Variants in DNAJC16 observed in about 807,000 individuals in gnomAD.
The protein encoded by DNAJC16 is DnaJ heat shock protein family (Hsp40) member C16, also known as dnaJ homolog subfamily C member 16.
Under a neutral mutation model 92.7 loss-of-function variants are expected in DNAJC16, and 76 were observed. That is an observed-to-expected ratio of 0.82 (90% CI 0.68 to 0.99). The LOEUF is 0.99. Ranked by LOEUF, DNAJC16 falls within the 50% of genes least tolerant of loss-of-function variation. The pLI, the probability that DNAJC16 is intolerant of heterozygous loss-of-function variation, is 0.00. For missense variants in DNAJC16, 869 were observed against 942.4 expected, an observed-to-expected ratio of 0.92 and a Z score of 1.02; for synonymous variants, 328 against 358.7, an observed-to-expected ratio of 0.91 and a Z score of 0.97.
rs1410178734 is a variant in DNAJC16, at chr1:15,567,267, TG to T, written c.1949+1del. 2.5e-6 allele frequency: 4 copies of T among 1,612,018 alleles called. No homozygotes were observed. Among genetic ancestry groups the T allele is most frequent in the Non-Finnish European group, 3.4e-6 (4 of 1,178,468 alleles). On this transcript the variant is annotated frameshift_variant and splice_region_variant, in exon 14 of 15. Transcript: ENST00000375847. LOFTEE classifies it high-confidence loss of function. ...KFALEVYTFTGSSCLHFSFLS... is the reference protein window; with the variant it reads ...KFALEVYTFTXSSCLHFSFLS... ...TTGCTTTGGAGGTCTACACATTTAC[TG>T]GGTAAGCATGTGTGTGTGTGCATGT...
chr1:15,538,707 C>T (rs373242715), intron 4 of DNAJC16, among the ~76,000 whole-genome samples: 1 of 152,118 alleles, frequency 6.6e-6, no homozygotes, highest in Non-Finnish European at 1.5e-5. Flanking sequence ...GTGAGCGAAA[C>T]TCTGTCTCAG....
chr1:15,549,647 T>C (rs898888951), intron 7 of DNAJC16, among the ~76,000 whole-genome samples: 2 of 151,528 alleles, frequency 1.3e-5, no homozygotes, highest in African/African-American at 4.9e-5. Context: ...ACCCCGTCTC[T>C]ACTAAAAATA....
At chr1:15,528,994 T>C (rs1710588451) in intron 1 of DNAJC16, 94 bp from the exon 2 acceptor site, 1 of 1,094,998 alleles carries the variant, frequency 9.1e-7, no homozygotes, top group Non-Finnish European at 1.3e-6. Context: ...TTTGTTGGTT[T>C]TGTTTTTCAT....
Position 15,571,238 on chromosome 1 carries a change from T to C in DNAJC16, c.*3061T>C, listed in dbSNP as rs1057340203. 11 of 152,212 alleles carry C rather than the reference T, an allele frequency of 7.2e-5. No homozygotes were observed. Among genetic ancestry groups the C allele is most frequent in the African/African-American group, 2.7e-4 (11 of 41,462 alleles). The allele number at this position is 152,212 out of a possible 1,614,324, so 9.4% of individuals were successfully genotyped here. On this transcript the variant is annotated 3_prime_UTR_variant, in exon 15 of 15. Coordinates refer to ENST00000375847, the MANE Select transcript of DNAJC16 (RefSeq NM_015291.4). ...CTTGTTGATACTTGTTCCTTTTTAT[T>C]TATTAACATCCCAATCAATTTGCAG...
At position 15,536,506 on chromosome 1, in the gene DNAJC16, A is replaced by C; in HGVS notation, c.266A>C (p.Tyr89Ser). 6.2e-7 allele frequency: 1 copy of C among 1,601,036 alleles called. No homozygotes were observed. Residue 89 changes from tyrosine to serine, a missense_variant, in exon 4 of 15, where the codon TAT becomes TCT. Tyr to Ser is a moderately radical substitution (Grantham distance 144). Transcript: ENST00000375847. ...ILSNEEKRSN[Y>S]DQYGDAGENQ... ...TCAAATGAAGAAAAGAGATCAAATT[A>C]TGATCAATATGGAGACGCTGGAGAG...
chr1:15,559,830 G>A (rs1462713433), intron 8 of DNAJC16, among the ~76,000 whole-genome samples, 174 bp downstream of exon 8: 1 of 152,096 alleles, frequency 6.6e-6, no homozygotes, highest in Non-Finnish European at 1.5e-5. Context: ...TTGGGAGGCC[G>A]AGGAGGGCGG....
Position 15,567,988 on chromosome 1 carries a change from G to C in DNAJC16, c.2160G>C (p.Glu720Asp). Residue 720 changes from glutamate (E) to aspartate (D), a missense_variant, in exon 15 of 15, where the codon GAG becomes GAC. Glu to Asp is a conservative substitution (Grantham distance 45, BLOSUM62 2). Coordinates refer to ENST00000375847, the MANE Select transcript of DNAJC16 (RefSeq NM_015291.4). Reference sequence around the variant, plus strand: ...AGCCCCAAAAGACAGTCGAAGAGGAGGAAGCCATAGGGTCGTGCAGTGATG... The same window carrying C: ...AGCCCCAAAAGACAGTCGAAGAGGACGAAGCCATAGGGTCGTGCAGTGATG... ...LFKPQKTVEEEEAIGSCSDVD... is the reference protein window; with the variant it reads ...LFKPQKTVEEDEAIGSCSDVD... 6.2e-7 allele frequency: 1 copy of C among 1,614,242 alleles called. No individual in the cohort carries two copies. Among genetic ancestry groups the C allele is most frequent in the Non-Finnish European group, 8.5e-7 (1 of 1,180,050 alleles).
intron 13 of DNAJC16, 84 bp from the exon 14 acceptor site, chr1:15,567,015 C>G: frequency 7.6e-7 from 1 of 1,312,278 alleles, no homozygotes; most frequent in Non-Finnish European, 1.1e-6. Flanking sequence ...TAGAACATAG[C>G]ATTTTCTTTC....
In DNAJC16 at chr1:15,567,915, G is replaced by A; in HGVS notation, c.2087G>A (p.Gly696Asp). The change falls in exon 15 of 15, where the codon GGT (glycine) becomes GAT (aspartate). Residue 696 changes from glycine to aspartate, a missense_variant. Coordinates refer to ENST00000375847, the MANE Select transcript of DNAJC16 (RefSeq NM_015291.4). ...DKHFMERDYT[G>D]YVLALNGHKK... ...CATTTCATGGAGCGTGACTACACTGGTTATGTACTGGCTCTGAATGGCCAC... is the reference window on the plus strand; with the variant it reads ...CATTTCATGGAGCGTGACTACACTGATTATGTACTGGCTCTGAATGGCCAC... The A allele has an allele frequency of 1.9e-6, 3 of 1,614,204 alleles. No homozygotes were observed. Among genetic ancestry groups the A allele is most frequent in the Non-Finnish European group, 1.7e-6 (2 of 1,180,040 alleles).
intron 6 of DNAJC16, among the ~76,000 whole-genome samples, chr1:15,547,571 T>G (rs755906979): frequency 5.3e-5 from 8 of 151,364 alleles, no homozygotes; most frequent in Non-Finnish European, 1.2e-4. Context: ...GCCTCCAGAG[T>G]AGCTGGGACT....
chr1:15,549,386 C>G (rs555695175), intron 7 of DNAJC16, among the ~76,000 whole-genome samples: 2 of 152,132 alleles, frequency 1.3e-5, no homozygotes, highest in Non-Finnish European at 2.9e-5. Context: ...TGGTTGAAGT[C>G]CTGAGTAGGG....
chr1:15,555,960 C>G, intron 7 of DNAJC16, among the ~76,000 whole-genome samples: 1 of 144,924 alleles, frequency 6.9e-6, no homozygotes. Context: ...CATTGCACTT[C>G]AGCCTGGGCA....
intron 8 of DNAJC16, among the ~76,000 whole-genome samples, chr1:15,561,040 TC>T (rs1007870479): frequency 6.6e-6 from 1 of 151,928 alleles, no homozygotes; most frequent in Admixed American, 6.6e-5. Flanking sequence ...AGTTGGCACT[TC>T]CCTGACCAAC....
In DNAJC16 at chr1:15,562,181, G is replaced by A. The variant is rs1638705610; in HGVS notation, c.1194G>A (p.Leu398=). 6.2e-7 allele frequency: 1 copy of A among 1,613,968 alleles called. No homozygotes were observed. The highest frequency in any genetic ancestry group is 8.5e-7 in the Non-Finnish European group (1 of 1,179,892). The change falls in exon 9 of 15, where the codon TTG becomes TTA. Residue 398 remains leucine, a synonymous_variant. Transcript: ENST00000375847. ...TATTGACTGCTGAGACTACCAAGTT[G>A]AGCAAACCCTTTGAGGCTTTCCTGT... ...VVLLTAETTK[L]SKPFEAFLSF...
rs777405249 is a variant in DNAJC16 at position 15,546,900 on chromosome 1, T to TTTTTCTTTTC, written c.864+39_864+48dup. The TTTTTCTTTTC allele has an allele frequency of 1.4e-4, 206 of 1,436,682 alleles. 2 individuals are homozygous for TTTTTCTTTTC. The African/African-American group carries it at 2.6e-3, about 18-fold the overall frequency. The allele number at this position is 1,436,682 out of a possible 1,614,324, so 89.0% of individuals were successfully genotyped here. ...CTTTCTATGCTAGGATAATGGTTTC[T>TTTTTCTTTTC]TTTTCTTTTCTTTTCTTTTTTTTTT... On this transcript the variant is annotated intron_variant, in intron 6 of 14. Transcript: ENST00000375847.
rs892451138 is a variant in DNAJC16, at chr1:15,553,311, T to G, written c.1023+4883T>G. 1.6e-4 allele frequency among the ~76,000 whole-genome samples: 24 copies of G among 152,058 alleles called. 1 individual carries two copies. Among genetic ancestry groups the G allele is most frequent in the African/African-American group, 5.1e-4 (21 of 41,412 alleles). ...GTGCAGTGGTGTGATCTCAGCTCACTGCAACCTCCGCCTCCCGGGTTCAAG... is the reference window on the plus strand; with the variant it reads ...GTGCAGTGGTGTGATCTCAGCTCACGGCAACCTCCGCCTCCCGGGTTCAAG... On this transcript the variant is annotated intron_variant, in intron 7 of 14. Coordinates refer to ENST00000375847, the MANE Select transcript of DNAJC16 (RefSeq NM_015291.4).
intron 4 of DNAJC16, 132 bp downstream of exon 4, chr1:15,536,946 G>C: frequency 1.4e-6 from 1 of 707,566 alleles, no homozygotes; most frequent in Non-Finnish European, 2.2e-6. Context: ...CACCTCCCGG[G>C]TTCAAGTGAT....
Position 15,566,181 on chromosome 1 carries a change from G to T in DNAJC16, c.1778+1G>T. ...CAAGCTTCACCAAAGAAAACAGCAG[G>T]TTTCTCTAACAAAACACCAGACTCA... On this transcript the variant is annotated splice_donor_variant, in intron 13 of 14. Transcript: ENST00000375847. LOFTEE classifies it high-confidence loss of function. The T allele has an allele frequency of 1.2e-6, 2 of 1,612,842 alleles. No individual in the cohort carries two copies. Among genetic ancestry groups the T allele is most frequent in the Non-Finnish European group, 1.7e-6 (2 of 1,179,406 alleles).
intron 11 of DNAJC16, chr1:15,565,704 A>G: frequency 1.7e-6 from 1 of 588,738 alleles, no homozygotes; most frequent in East Asian, 2.8e-5. Flanking sequence ...ATACAAAATC[A>G]AACTTTTAGA....
Sources: allele counts gnomAD v4.1 joint callset (sites outside exome capture counted in the v4.1 genomes callset), GRCh38; gene constraint gnomAD v4.1.1; transcripts MANE v1.5; gene names NCBI Gene and HGNC (gene_info 2026-07-23, HGNC 2026-07-21).